SLC39A11: variants seen among roughly 807,000 people sequenced by gnomAD.
SLC39A11 encodes solute carrier family 39 member 11.
Under a neutral mutation model 36.1 loss-of-function variants are expected in SLC39A11, and 33 were observed. The observed-to-expected ratio is 0.91, with a 90% CI of 0.69 to 1.22. SLC39A11 has a LOEUF of 1.22. Ranked by LOEUF, SLC39A11 falls within the 50% of genes most tolerant of loss-of-function variation. SLC39A11 has a pLI of 0.00. For synonymous variants in SLC39A11, 166 were observed against 170.3 expected, an observed-to-expected ratio of 0.97 and a Z score of 0.20; for missense variants, 432 against 430.3, an observed-to-expected ratio of 1.00 and a Z score of -0.03.
chr17:72,688,434 G>A (rs1469456420), intron 7 of SLC39A11, among the ~76,000 whole-genome samples: 6 of 152,228 alleles, frequency 3.9e-5, no homozygotes, highest in Non-Finnish European at 8.8e-5. Context: ...CAGTCCAGGC[G>A]AGGCCAACTG....
chr17:72,674,572 C>G (rs59333676), intron 7 of SLC39A11, among the ~76,000 whole-genome samples: 1 of 152,056 alleles, frequency 6.6e-6, no homozygotes, highest in African/African-American at 2.4e-5. Flanking sequence ...GAGTGGGTTT[C>G]CTGGATCAAA....
chr17:73,022,899 T>C (rs2058400002), intron 4 of SLC39A11, among the ~76,000 whole-genome samples: 3 of 152,050 alleles, frequency 2.0e-5, no homozygotes, highest in African/African-American at 7.2e-5. Context: ...ACCCTGTGAA[T>C]TAAAATATCC....
At chr17:72,898,038 A>C (rs1355094852) in intron 5 of SLC39A11, among the ~76,000 whole-genome samples, 1 of 152,278 alleles carries the variant, frequency 6.6e-6, no homozygotes, top group South Asian at 2.1e-4. Flanking sequence ...ACAGGAACAA[A>C]GTGTCACCAG....
At chr17:72,968,764 C>T (rs1211139561) in intron 4 of SLC39A11, among the ~76,000 whole-genome samples, 2 of 152,224 alleles carry the variant, frequency 1.3e-5, no homozygotes, top group Non-Finnish European at 2.9e-5. Flanking sequence ...GAGCAAGACA[C>T]GATCCTTCTC....
At chr17:72,703,664 T>C (rs1339750843) in intron 7 of SLC39A11, among the ~76,000 whole-genome samples, 1 of 152,228 alleles carries the variant, frequency 6.6e-6, no homozygotes, top group Non-Finnish European at 1.5e-5. Flanking sequence ...TTTGGAAAAC[T>C]GTTAACATCC....
intron 4 of SLC39A11, among the ~76,000 whole-genome samples, chr17:73,028,891 G>A (rs1174376884): frequency 6.6e-6 from 1 of 151,778 alleles, no homozygotes; most frequent in Non-Finnish European, 1.5e-5. Flanking sequence ...GCTAAGGTGG[G>A]AGGATCACTT....
At chr17:73,016,103 T>C (rs1360784422) in intron 4 of SLC39A11, among the ~76,000 whole-genome samples, 1 of 151,936 alleles carries the variant, frequency 6.6e-6, no homozygotes, top group Non-Finnish European at 1.5e-5. Context: ...GGGTTAATAG[T>C]CACTATTCTG....
At position 72,774,008 on chromosome 17, in the gene SLC39A11, T is replaced by C. The variant is rs548675084; in HGVS notation, c.602-37289A>G. ...GCATTAACGAAGCCAGACGTGCTAA[T>C]GGGGGCAACTTTGAAGCCTAAAGCT... is the stretch of plus-strand genomic sequence containing the variant. On this transcript the variant is annotated intron_variant, in intron 6 of 9. Coordinates refer to ENST00000255559, the MANE Select transcript of SLC39A11 (RefSeq NM_139177.4). Among the ~76,000 whole-genome samples, 106 of 152,278 alleles carry C rather than the reference T, an allele frequency of 7.0e-4. 1 individual carries two copies. Among genetic ancestry groups the C allele is most frequent in the Admixed American group, 2.1e-3 (32 of 15,294 alleles).
intron 2 of SLC39A11, 85 bp from the exon 3 acceptor site, chr17:73,084,931 A>G: frequency 7.0e-7 from 1 of 1,435,758 alleles, no homozygotes; most frequent in Non-Finnish European, 9.8e-7. Flanking sequence ...AAGGCCCAAA[A>G]GAGCCACGCA....
At chr17:72,967,520 T>C (rs1327163740) in intron 4 of SLC39A11, among the ~76,000 whole-genome samples, 4 of 151,272 alleles carry the variant, frequency 2.6e-5, no homozygotes, top group Non-Finnish European at 4.4e-5. Context: ...CAAAAGAGGG[T>C]GGTATGTCCA....
Position 72,820,026 on chromosome 17 carries a change from C to A in SLC39A11, c.601+29608G>T, listed in dbSNP as rs556962076. Among the ~76,000 whole-genome samples the A allele has an allele frequency of 2.6e-5, 4 of 151,328 alleles. No individual in the cohort carries two copies. In the South Asian group the frequency reaches 6.4e-4, roughly 24 times the overall value. ...CTAGGGAAGGCAGGTGAGACATCAG[C>A]ACAGGCACAAAGGCTTCCTTCCGAT... On this transcript the variant is annotated intron_variant, in intron 6 of 9. Transcript: ENST00000255559.
At chr17:72,761,956 T>A (rs1048249715) in intron 6 of SLC39A11, among the ~76,000 whole-genome samples, 2 of 152,134 alleles carry the variant, frequency 1.3e-5, no homozygotes, top group African/African-American at 2.4e-5. Flanking sequence ...TGGGGTCAGT[T>A]ATGAGCAGAG....
At chr17:72,787,827 T>C (rs1369780479) in intron 6 of SLC39A11, among the ~76,000 whole-genome samples, 1 of 152,202 alleles carries the variant, frequency 6.6e-6, no homozygotes, top group African/African-American at 2.4e-5. Context: ...CCTCCTGGGA[T>C]GCACATTCAC....
chr17:72,987,695 C>G (rs1568075385), intron 4 of SLC39A11, among the ~76,000 whole-genome samples: 2 of 152,162 alleles, frequency 1.3e-5, no homozygotes, highest in South Asian at 2.1e-4. Flanking sequence ...AGTCCTGAAT[C>G]AGAATACCCC....
At chr17:73,049,205 A>G (rs926113010) in intron 3 of SLC39A11, among the ~76,000 whole-genome samples, 1 of 152,194 alleles carries the variant, frequency 6.6e-6, no homozygotes, top group African/African-American at 2.4e-5. Flanking sequence ...AGGATATATC[A>G]TAAGGCCAAA....
intron 4 of SLC39A11, among the ~76,000 whole-genome samples, chr17:72,992,361 C>T (rs1037152418): frequency 2.0e-5 from 3 of 152,006 alleles, no homozygotes; most frequent in East Asian, 1.9e-4. Flanking sequence ...TCTCAAAAAA[C>T]GAACAAAAAA....
intron 7 of SLC39A11, among the ~76,000 whole-genome samples, chr17:72,729,658 G>A (rs945763739): frequency 6.7e-6 from 1 of 149,326 alleles, no homozygotes; most frequent in Non-Finnish European, 1.5e-5. Flanking sequence ...CAGTCATATC[G>A]GTTTGTCCAC....
intron 7 of SLC39A11, among the ~76,000 whole-genome samples, chr17:72,678,300 T>C (rs1202337804): frequency 1.3e-5 from 2 of 152,200 alleles, no homozygotes; most frequent in African/African-American, 2.4e-5. Flanking sequence ...CGTGTTTTTT[T>C]TCCCCCACTG....
chr17:72,652,329 G>T (rs2069889546), intron 7 of SLC39A11, among the ~76,000 whole-genome samples: 1 of 152,240 alleles, frequency 6.6e-6, no homozygotes, highest in African/African-American at 2.4e-5. Context: ...GCATGTGGTA[G>T]TTGAAGTTTG....
Sources: allele counts gnomAD v4.1 joint callset (sites outside exome capture counted in the v4.1 genomes callset), GRCh38; gene constraint gnomAD v4.1.1; transcripts MANE v1.5; gene names NCBI Gene and HGNC (gene_info 2026-07-23, HGNC 2026-07-21).